The following TFG variants were observed in gnomAD, a reference collection of about 807,000 sequenced individuals.
TFG encodes the protein protein TFG.
In TFG, 22 loss-of-function variants were observed where a neutral mutation model predicts 51.4. The observed-to-expected ratio is 0.43, with a 90% CI of 0.31 to 0.61. The LOEUF is 0.61. TFG is among the 20% of genes least tolerant of loss of function. TFG has a pLI of 0.12. For synonymous variants in TFG, 187 were observed against 165.6 expected, an observed-to-expected ratio of 1.13 and a Z score of -0.99; for missense variants, 419 against 487.7, an observed-to-expected ratio of 0.86 and a Z score of 1.33.
chr3:100,719,889 A>T (rs1216361147), intron 2 of TFG, 86 bp from the exon 3 acceptor site: 2 of 786,218 alleles, frequency 2.5e-6, no homozygotes, highest in Non-Finnish European at 4.1e-6. Flanking sequence ...TACATTTTGG[A>T]TTTTTAATTT....
chr3:100,743,861 A>G (rs1213741467), intron 6 of TFG: 1 of 152,000 alleles, frequency 6.6e-6, no homozygotes, highest in Non-Finnish European at 1.5e-5. Context: ...CTTTTGATTA[A>G]TAGGTAGTTT....
At chr3:100,738,899 C>T (rs1476057406) in intron 6 of TFG, among the ~76,000 whole-genome samples, 1 of 152,138 alleles carries the variant, frequency 6.6e-6, no homozygotes, top group Non-Finnish European at 1.5e-5. Context: ...CGTGTACTCA[C>T]TATTAAAAAG....
intron 3 of TFG, among the ~76,000 whole-genome samples, chr3:100,720,985 TATG>T (rs1214341926): frequency 6.6e-6 from 1 of 152,166 alleles, no homozygotes; most frequent in Non-Finnish European, 1.5e-5. Flanking sequence ...CAGTGTGAAA[TATG>T]ATCATGGTCT....
intron 1 of TFG, chr3:100,710,843 CTACTT>C (rs2095028963): frequency 6.6e-6 from 1 of 152,180 alleles, no homozygotes; most frequent in African/African-American, 2.4e-5. Context: ...ATACCAGTCT[CTACTT>C]TGGAAGAGAA....
At chr3:100,742,308 T>C (rs945961455) in intron 6 of TFG, among the ~76,000 whole-genome samples, 1 of 152,186 alleles carries the variant, frequency 6.6e-6, no homozygotes, top group Non-Finnish European at 1.5e-5. Flanking sequence ...CTAATTGATA[T>C]GAGTAAGTTG....
chr3:100,748,131 T>C lies in TFG; in HGVS notation c.821-18T>C, dbSNP rs756950367. 1 of 1,605,340 alleles carries C rather than the reference T, an allele frequency of 6.2e-7. No homozygotes were observed. Among genetic ancestry groups the C allele is most frequent in the Admixed American group, 1.7e-5 (1 of 58,626 alleles). ...TTACTAAAAGATAAGATACATGTTA[T>C]TTATTTTGCCTTTTCAGCAAGCTAT... is the stretch of plus-strand genomic sequence containing the variant. On this transcript the variant is annotated intron_variant, in intron 7 of 7. Coordinates refer to ENST00000240851, the MANE Select transcript of TFG (RefSeq NM_006070.6).
At position 100,736,595 on chromosome 3, in the gene TFG, A is replaced by G. The variant is rs371412179; in HGVS notation, c.600A>G (p.Ala200=). The change falls in exon 6 of 8, where the codon GCA becomes GCG. Residue 200 remains alanine (A), a synonymous_variant. Coordinates refer to ENST00000240851, the MANE Select transcript of TFG (RefSeq NM_006070.6). The stretch of plus-strand genomic sequence containing the variant: ...ATCCAGGGCCACCCAGTGCTCCTGC[A>G]GAAGATCGTTCAGGAACACCCGACA... ...DQVSGPPSAP[A]EDRSGTPDSI... 1.6e-5 allele frequency: 26 copies of G among 1,613,934 alleles called. No homozygotes were observed. Among genetic ancestry groups the G allele is most frequent in the Non-Finnish European group, 2.2e-5 (26 of 1,179,952 alleles).
At chr3:100,720,741 T>C (rs2095058468) in intron 3 of TFG, among the ~76,000 whole-genome samples, 2 of 152,212 alleles carry the variant, frequency 1.3e-5, no homozygotes, top group Admixed American at 6.5e-5. Flanking sequence ...AGATTAAAAA[T>C]AGTTCTGATA....
rs377094635 is a variant in TFG, at chr3:100,728,573, A to T, written c.269-139A>T. ...TAGCCATAGAGAATTCTTTTTTTTTAAAAAAAAAGTTACTCCATTACATTG... is the reference window on the plus strand; with the variant it reads ...TAGCCATAGAGAATTCTTTTTTTTTTAAAAAAAAGTTACTCCATTACATTG... On this transcript the variant is annotated intron_variant, in intron 3 of 7. Coordinates refer to ENST00000240851, the MANE Select transcript of TFG (RefSeq NM_006070.6). The T allele has an allele frequency of 3.4e-3, 2,293 of 666,148 alleles. 55 individuals carry two copies. In the African/African-American group the frequency reaches 0.04, roughly 12 times the overall value. The allele number at this position is 666,148 out of a possible 1,614,324, so 41.3% of individuals were successfully genotyped here.
intron 2 of TFG, 117 bp from the exon 3 acceptor site, chr3:100,719,858 G>A (rs1057119985): frequency 3.4e-6 from 2 of 596,366 alleles, no homozygotes; most frequent in Non-Finnish European, 5.8e-6. Flanking sequence ...CTATGGGAGA[G>A]TCCAACTATG....
Position 100,728,730 on chromosome 3 carries a change from C to A in TFG, c.287C>A (p.Pro96His). 6.2e-7 allele frequency: 1 copy of A among 1,604,858 alleles called. No homozygotes were observed. Among genetic ancestry groups the A allele is most frequent in the African/African-American group, 1.3e-5 (1 of 74,282 alleles). The stretch of plus-strand genomic sequence containing the variant: ...ATTTCAGTTAATGGCCAGCCAAGAC[C>A]CCTTGAATCAAGTCAGGTGAAATAT... Reference protein sequence around the residue: ...LTLFVNGQPRPLESSQVKYLR... With the variant: ...LTLFVNGQPRHLESSQVKYLR... Residue 96 changes from proline (P) to histidine (H), a missense_variant, in exon 4 of 8, where the codon CCC (proline) becomes CAC (histidine). This residue lies in a region of TFG where 391 missense variants were observed against 434.4 expected (regional missense o/e 0.90). Transcript: ENST00000240851.
chr3:100,718,767 AG>A (rs1175426575), intron 2 of TFG, among the ~76,000 whole-genome samples: 8 of 152,026 alleles, frequency 5.3e-5, no homozygotes, highest in African/African-American at 1.9e-4. Context: ...CATGTTGGCC[AG>A]GCTGGTCTCG....
chr3:100,735,078 T>G (rs1040520170), intron 5 of TFG, among the ~76,000 whole-genome samples: 1 of 152,166 alleles, frequency 6.6e-6, no homozygotes, highest in African/African-American at 2.4e-5. Context: ...ATATATATAT[T>G]TAGGCTAATA....
At chr3:100,721,679 T>G (rs2095061205) in intron 3 of TFG, among the ~76,000 whole-genome samples, 1 of 152,162 alleles carries the variant, frequency 6.6e-6, no homozygotes, top group African/African-American at 2.4e-5. Flanking sequence ...GAGGGGTATA[T>G]TCTCAATCCA....
intron 6 of TFG, among the ~76,000 whole-genome samples, chr3:100,740,073 G>A (rs778395973): frequency 6.6e-6 from 1 of 152,104 alleles, no homozygotes; most frequent in African/African-American, 2.4e-5. Flanking sequence ...CATTGTTAAT[G>A]TGTCTTGAGT....
chr3:100,741,470 TG>T (rs2095121032), intron 6 of TFG, among the ~76,000 whole-genome samples: 1 of 152,184 alleles, frequency 6.6e-6, no homozygotes, highest in Non-Finnish European at 1.5e-5. Flanking sequence ...TAAATATTTT[TG>T]TATAGTAGCA....
chr3:100,717,674 CATTTTTT>C (rs1271801792), intron 2 of TFG, among the ~76,000 whole-genome samples: 1 of 145,336 alleles, frequency 6.9e-6, no homozygotes, highest in Non-Finnish European at 1.5e-5. Context: ...AATGGGATTG[CATTTTTT>C]ATTTTTTATT....
At chr3:100,728,421 T>C (rs140003035) in intron 3 of TFG, among the ~76,000 whole-genome samples, 2 of 151,958 alleles carry the variant, frequency 1.3e-5, no homozygotes, top group African/African-American at 4.8e-5. Context: ...TTTATTAAAT[T>C]TAATCATTTC....
chr3:100,734,713 T>C (rs934281235), intron 5 of TFG, among the ~76,000 whole-genome samples: 1 of 152,322 alleles, frequency 6.6e-6, no homozygotes, highest in South Asian at 2.1e-4. Context: ...ATTTTGTATT[T>C]CTTAGAGACT....
Sources: allele counts gnomAD v4.1 joint callset (sites outside exome capture counted in the v4.1 genomes callset), GRCh38; gene constraint gnomAD v4.1.1; regional missense constraint gnomAD v4.1.1; transcripts MANE v1.5; gene names NCBI Gene and HGNC (gene_info 2026-07-23, HGNC 2026-07-21).